Variants in SLC24A2 observed in about 807,000 individuals in gnomAD.
SLC24A2 encodes sodium/potassium/calcium exchanger 2.
Under a neutral mutation model 62.0 loss-of-function variants are expected in SLC24A2, and 36 were observed. That is an observed-to-expected ratio of 0.58 (90% CI 0.44 to 0.77). The LOEUF is 0.77. Ranked by LOEUF, SLC24A2 falls within the 30% of genes least tolerant of loss-of-function variation. The pLI, the probability that SLC24A2 is intolerant of heterozygous loss-of-function variation, is 0.00. For synonymous variants in SLC24A2, 358 were observed against 294.0 expected, an observed-to-expected ratio of 1.22 and a Z score of -2.23; for missense variants, 846 against 817.9, an observed-to-expected ratio of 1.03 and a Z score of -0.42.
At chr9:20,297,915 T>C in the SLC24A2 span, among the ~76,000 whole-genome samples, 5 of 152,214 alleles carry the variant, frequency 3.3e-5, no homozygotes, top group Non-Finnish European at 7.3e-5. Flanking sequence ...TGCAGACATG[T>C]TGTGAATCAC....
chr9:19,562,845 T>G (rs999444680), intron 7 of SLC24A2, among the ~76,000 whole-genome samples: 1 of 152,170 alleles, frequency 6.6e-6, no homozygotes, highest in African/African-American at 2.4e-5. Context: ...TGGCTCACAC[T>G]TGTAGTCCCA....
chr9:19,843,140 A>G, the SLC24A2 span, among the ~76,000 whole-genome samples: 1 of 152,100 alleles, frequency 6.6e-6, no homozygotes, highest in African/African-American at 2.4e-5. Flanking sequence ...TTTTTTTTAA[A>G]AAAGCTAATA....
At chr9:20,056,077 C>T in the SLC24A2 span, among the ~76,000 whole-genome samples, 1 of 151,974 alleles carries the variant, frequency 6.6e-6, no homozygotes, top group African/African-American at 2.4e-5. Context: ...ACATCTGCCT[C>T]AAAAAGATCA....
At chr9:20,142,393 A>C in the SLC24A2 span, among the ~76,000 whole-genome samples, 1 of 152,112 alleles carries the variant, frequency 6.6e-6, no homozygotes, top group Admixed American at 6.5e-5. Context: ...GTTTTCAGAC[A>C]TGGACATAGT....
the SLC24A2 span, among the ~76,000 whole-genome samples, chr9:20,149,330 G>A: frequency 2.6e-5 from 4 of 151,966 alleles, no homozygotes; most frequent in Non-Finnish European, 5.9e-5. Context: ...CAACAATGAG[G>A]AGACTTTTTG....
At chr9:20,256,812 T>C in the SLC24A2 span, among the ~76,000 whole-genome samples, 1 of 152,054 alleles carries the variant, frequency 6.6e-6, no homozygotes, top group Non-Finnish European at 1.5e-5. Flanking sequence ...TTGTAGTTCT[T>C]TTTACTCTTT....
chr9:19,994,617 T>A, the SLC24A2 span, among the ~76,000 whole-genome samples: 2 of 152,024 alleles, frequency 1.3e-5, no homozygotes, highest in South Asian at 4.1e-4. Flanking sequence ...GAGCCAGGAG[T>A]TGGCATGCTA....
the SLC24A2 span, among the ~76,000 whole-genome samples, chr9:20,304,815 C>G: frequency 6.6e-6 from 1 of 151,982 alleles, no homozygotes; most frequent in Non-Finnish European, 1.5e-5. Flanking sequence ...CCTAAAGTCT[C>G]AGGGATAATA....
At chr9:19,762,276 A>G (rs947770718) in intron 2 of SLC24A2, among the ~76,000 whole-genome samples, 1 of 152,126 alleles carries the variant, frequency 6.6e-6, no homozygotes, top group African/African-American at 2.4e-5. Context: ...CACACCGATG[A>G]TAGTTTCTTT....
the SLC24A2 span, among the ~76,000 whole-genome samples, chr9:19,861,594 C>A: frequency 6.6e-6 from 1 of 152,038 alleles, no homozygotes; most frequent in Non-Finnish European, 1.5e-5. Flanking sequence ...AAATAATGCA[C>A]CATGGATCAA....
At chr9:19,958,934 G>C in the SLC24A2 span, among the ~76,000 whole-genome samples, 3 of 152,260 alleles carry the variant, frequency 2.0e-5, no homozygotes, top group South Asian at 4.1e-4. Flanking sequence ...TTGGGATGTA[G>C]TGTTAAATTA....
intron 2 of SLC24A2, among the ~76,000 whole-genome samples, chr9:19,647,387 A>G (rs1404534522): frequency 6.6e-6 from 1 of 152,180 alleles, no homozygotes; most frequent in African/African-American, 2.4e-5. Flanking sequence ...TTGGCCAAAG[A>G]GGACAAGACT....
At chr9:19,767,811 T>A (rs866044683) in intron 2 of SLC24A2, among the ~76,000 whole-genome samples, 1 of 152,214 alleles carries the variant, frequency 6.6e-6, no homozygotes, top group Non-Finnish European at 1.5e-5. Flanking sequence ...TCACTTGATC[T>A]CTGTTTTAGT....
chr9:20,052,981 CCT>C, the SLC24A2 span, among the ~76,000 whole-genome samples: 1 of 152,078 alleles, frequency 6.6e-6, no homozygotes, highest in South Asian at 2.1e-4. Context: ...TGGATTTCAT[CCT>C]CTCTATCTCC....
intron 7 of SLC24A2, among the ~76,000 whole-genome samples, chr9:19,565,737 A>G (rs575469050): frequency 6.6e-6 from 1 of 152,328 alleles, no homozygotes; most frequent in Admixed American, 6.5e-5. Context: ...ACAGTAACCA[A>G]AACAGCATGG....
rs1314694014 is a variant in SLC24A2, at chr9:19,632,025, T to C, written c.931-9726A>G. Among the ~76,000 whole-genome samples, 1 of 152,148 alleles carries C rather than the reference T, an allele frequency of 6.6e-6. No homozygotes were observed. Among genetic ancestry groups the C allele is most frequent in the African/African-American group, 2.4e-5 (1 of 41,438 alleles). On this transcript the variant is annotated intron_variant, in intron 2 of 10. Transcript: ENST00000341998. This position sits in a 1 kb window ranked among gnomAD's most constrained non-coding sequence, Gnocchi z 4.5. Reference sequence around the variant, plus strand: ...AGTAAGAAACCGTTCCACTGGGTGTTGACCATGATACACCTGGCCATCCTG... The same window carrying C: ...AGTAAGAAACCGTTCCACTGGGTGTCGACCATGATACACCTGGCCATCCTG...
At chr9:19,654,718 C>G (rs1027588226) in intron 2 of SLC24A2, among the ~76,000 whole-genome samples, 5 of 152,018 alleles carry the variant, frequency 3.3e-5, no homozygotes, top group African/African-American at 1.2e-4. Flanking sequence ...TTGAACCTGC[C>G]CCCGGTGTCT....
the SLC24A2 span, among the ~76,000 whole-genome samples, chr9:20,123,555 T>G: frequency 6.6e-6 from 1 of 152,208 alleles, no homozygotes; most frequent in Non-Finnish European, 1.5e-5. Context: ...TGTACTTATA[T>G]GAATGAGACT....
At chr9:19,797,843 A>G in the SLC24A2 span, among the ~76,000 whole-genome samples, 1 of 152,186 alleles carries the variant, frequency 6.6e-6, no homozygotes, top group African/African-American at 2.4e-5. Context: ...CCTGGCCATA[A>G]AGGATGGGGA....
Sources: allele counts gnomAD v4.1 joint callset (sites outside exome capture counted in the v4.1 genomes callset), GRCh38; gene constraint gnomAD v4.1.1; non-coding constraint Gnocchi (gnomAD v3.1); transcripts MANE v1.5; gene names NCBI Gene and HGNC (gene_info 2026-07-23, HGNC 2026-07-21).